The following POLR3B variants were observed in gnomAD, a reference collection of about 807,000 sequenced individuals.
POLR3B encodes the protein DNA-directed RNA polymerase III subunit RPC2.
A neutral mutation model predicts 147.4 loss-of-function variants in POLR3B; 96 were observed. That is an observed-to-expected ratio of 0.65 (90% CI 0.55 to 0.77). The LOEUF (loss-of-function observed/expected upper bound fraction) is 0.77, where lower values mean the gene tolerates loss of function less well. Ranked by LOEUF, POLR3B falls within the 30% of genes least tolerant of loss-of-function variation. The pLI, the probability that POLR3B is intolerant of heterozygous loss-of-function variation, is 0.00. For synonymous variants in POLR3B, 461 were observed against 485.9 expected, an observed-to-expected ratio of 0.95 and a Z score of 0.67; for missense variants, 1,036 against 1,413.5, an observed-to-expected ratio of 0.73 and a Z score of 4.28.
chr12:106,382,365 C>T (rs1458001223), intron 9 of POLR3B, among the ~76,000 whole-genome samples: 2 of 152,188 alleles, frequency 1.3e-5, no homozygotes, highest in African/African-American at 4.8e-5. Context: ...ATTAGGGTCT[C>T]TTGTATTCAA....
At position 106,376,521 on chromosome 12, in the gene POLR3B, T is replaced by A; in HGVS notation, c.496+71T>A. 2.7e-6 allele frequency: 3 copies of A among 1,114,768 alleles called. No homozygotes were observed. In the South Asian group the frequency reaches 3.7e-5, roughly 14 times the overall value. 69.1% of individuals were successfully genotyped at this position (1,114,768 alleles called of 1,614,324 possible). A position where few individuals can be genotyped will look rare whatever the true frequency, so the allele number is the denominator to read the frequency against. ...TTCTGCTGCTGCTGTGGTTTTAACA[T>A]TTTGTCTCAAAAACAGTACCAGCTT... On this transcript the variant is annotated intron_variant, in intron 7 of 27. Coordinates refer to ENST00000228347, the MANE Select transcript of POLR3B (RefSeq NM_018082.6).
chr12:106,505,688 C>T (rs1410988820), intron 27 of POLR3B, among the ~76,000 whole-genome samples: 2 of 152,184 alleles, frequency 1.3e-5, no homozygotes, highest in Non-Finnish European at 2.9e-5. Context: ...CCTGCCCTCC[C>T]CAGAGTGCCT....
intron 23 of POLR3B, among the ~76,000 whole-genome samples, chr12:106,483,306 A>G (rs1032466373): frequency 1.3e-5 from 2 of 152,190 alleles, no homozygotes; most frequent in African/African-American, 4.8e-5. Context: ...CGTCCATCCC[A>G]GGCACAAATG....
chr12:106,393,558 CT>C (rs1159583010), intron 10 of POLR3B, among the ~76,000 whole-genome samples: 2 of 137,052 alleles, frequency 1.5e-5, no homozygotes, highest in East Asian at 2.5e-4. Context: ...TCTTTAATAT[CT>C]TTTTTTATTC....
chr12:106,390,259 ACT>A (rs1018865272), intron 9 of POLR3B, among the ~76,000 whole-genome samples: 2 of 105,316 alleles, frequency 1.9e-5, no homozygotes, highest in Admixed American at 1.9e-4. Context: ...AAGCAGAAAA[ACT>A]CTCTCCCCCC....
chr12:106,375,213 A>G (rs1225067273), intron 6 of POLR3B, among the ~76,000 whole-genome samples: 1 of 152,284 alleles, frequency 6.6e-6, no homozygotes, highest in East Asian at 1.9e-4. Flanking sequence ...GCATCCAGTC[A>G]TCCTTCCCTT....
At chr12:106,418,467 A>G (rs1182795396) in intron 12 of POLR3B, among the ~76,000 whole-genome samples, 1 of 152,214 alleles carries the variant, frequency 6.6e-6, no homozygotes, top group Non-Finnish European at 1.5e-5. Flanking sequence ...TTTGTGTGAA[A>G]AGGAGAATTT....
intron 9 of POLR3B, among the ~76,000 whole-genome samples, chr12:106,386,148 C>A (rs1024723092): frequency 6.6e-6 from 1 of 151,998 alleles, no homozygotes; most frequent in Admixed American, 6.5e-5. Context: ...GAGTTTGAGA[C>A]CAGCCTGGCT....
At chr12:106,432,763 G>A (rs1341945751) in intron 15 of POLR3B, among the ~76,000 whole-genome samples, 1 of 152,170 alleles carries the variant, frequency 6.6e-6, no homozygotes, top group African/African-American at 2.4e-5. Context: ...GTGGAATACG[G>A]TTCAACATGG....
chr12:106,359,331 ATTTTTT>A (rs35229993), intron 1 of POLR3B, among the ~76,000 whole-genome samples: 1 of 134,906 alleles, frequency 7.4e-6, no homozygotes, highest in Non-Finnish European at 1.6e-5. Flanking sequence ...AGGCAAAACT[ATTTTTT>A]TTTTTTTTTT....
chr12:106,492,767 TC>T (rs1477698016), intron 23 of POLR3B, among the ~76,000 whole-genome samples: 2 of 152,192 alleles, frequency 1.3e-5, no homozygotes, highest in Non-Finnish European at 2.9e-5. Context: ...AGATTTAGAC[TC>T]CCTCAATTCT....
chr12:106,504,167 T>TG lies in POLR3B; in HGVS notation c.3186dup (p.Leu1063AlafsTer11). ...TGTTTAATCGGTTATGGAGCCAGTA[T>TG]GCTTTTGCTAGAGAGACTAATGATT... On this transcript the variant is annotated frameshift_variant, in exon 27 of 28. Coordinates refer to ENST00000228347, the MANE Select transcript of POLR3B (RefSeq NM_018082.6). LOFTEE classifies it high-confidence loss of function. The surrounding 1 kb of genome is among the most constrained non-coding windows in gnomAD (Gnocchi z 4.6). 3.1e-6 allele frequency: 5 copies of TG among 1,614,196 alleles called. No individual in the cohort carries two copies. The highest frequency in any genetic ancestry group is 4.2e-6 in the Non-Finnish European group (5 of 1,179,972).
chr12:106,406,215 A>G (rs2037149047), intron 11 of POLR3B, among the ~76,000 whole-genome samples: 1 of 152,144 alleles, frequency 6.6e-6, no homozygotes, highest in Non-Finnish European at 1.5e-5. Context: ...TCAGTCTTAA[A>G]TTATTGTTAT....
Position 106,456,537 on chromosome 12 carries a change from T to C in POLR3B, c.2294-601T>C, listed in dbSNP as rs184600498. 1.3e-3 allele frequency among the ~76,000 whole-genome samples: 198 copies of C among 152,290 alleles called. 1 individual carries two copies. The highest frequency in any genetic ancestry group is 4.5e-3 in the African/African-American group (187 of 41,572). On this transcript the variant is annotated intron_variant, in intron 20 of 27. Transcript: ENST00000228347. ...CTGTCTCTTCTCTGGAGAAAAATTA[T>C]TGTTTTTACTTGTTGGCTTAGAACT...
intron 11 of POLR3B, among the ~76,000 whole-genome samples, chr12:106,407,866 A>G (rs966058510): frequency 6.6e-6 from 1 of 152,188 alleles, no homozygotes; most frequent in Non-Finnish European, 1.5e-5. Flanking sequence ...CTGTGGTTGC[A>G]TGGAACCTAA....
At chr12:106,373,129 G>A (rs112544499) in intron 6 of POLR3B, among the ~76,000 whole-genome samples, 333 of 152,240 alleles carry the variant, frequency 2.2e-3, no homozygotes, top group African/African-American at 7.4e-3. Context: ...TTGTTTAGAC[G>A]TTTTGTATCA....
intron 25 of POLR3B, 80 bp downstream of exon 25, chr12:106,496,998 T>G: frequency 4.3e-5 from 57 of 1,340,768 alleles, no homozygotes; most frequent in Middle Eastern, 1.8e-4. Flanking sequence ...AGGTATACTC[T>G]ATTAAGTATA....
chr12:106,442,590 T>G (rs181016755), intron 18 of POLR3B, among the ~76,000 whole-genome samples: 158 of 152,262 alleles, frequency 1.0e-3, no homozygotes, highest in Middle Eastern at 3.4e-3. Flanking sequence ...AGGCACTTTC[T>G]CTCACCAAAC....
chr12:106,406,493 A>G (rs1159040251), intron 11 of POLR3B, among the ~76,000 whole-genome samples: 1 of 152,250 alleles, frequency 6.6e-6, no homozygotes. Flanking sequence ...ACATTATTGT[A>G]CAACCATCAC....
Sources: gnomAD v4.1 joint callset for allele counts (sites outside exome capture counted in the v4.1 genomes callset) on GRCh38, gnomAD v4.1.1 for gene constraint, Gnocchi (gnomAD v3.1) non-coding constraint, MANE v1.5 for transcripts, NCBI Gene and HGNC (gene_info 2026-07-23, HGNC 2026-07-21) for gene names.